The following SLC23A2 variants were observed in gnomAD, a reference collection of about 807,000 sequenced individuals.
The protein encoded by SLC23A2 is solute carrier family 23 member 2.
Under a neutral mutation model 73.3 loss-of-function variants are expected in SLC23A2, and 36 were observed. That is an observed-to-expected ratio of 0.49 (90% CI 0.38 to 0.65). The LOEUF (loss-of-function observed/expected upper bound fraction) is 0.65, where lower values mean the gene tolerates loss of function less well. Among genes scored for constraint, SLC23A2 ranks in the 30% least tolerant of loss-of-function variants. The pLI is 0.00. For synonymous variants in SLC23A2, 343 were observed against 327.3 expected (o/e 1.05, Z -0.52); for missense variants, 507 against 841.6 (o/e 0.60, Z 4.92).
chr20:4,985,526 C>G (rs955615056), intron 1 of SLC23A2, among the ~76,000 whole-genome samples: 4 of 151,768 alleles, frequency 2.6e-5, no homozygotes, highest in African/African-American at 9.7e-5. Flanking sequence ...CGGCTCACTG[C>G]AACCTCCACC....
At chr20:4,875,384 G>C (rs1293237153) in intron 9 of SLC23A2, among the ~76,000 whole-genome samples, 1 of 148,906 alleles carries the variant, frequency 6.7e-6, no homozygotes, top group Non-Finnish European at 1.5e-5. Context: ...CAACCTTACG[G>C]GGTGGCTTCT....
At chr20:4,988,918 G>A (rs1420678828) in intron 1 of SLC23A2, among the ~76,000 whole-genome samples, 1 of 151,546 alleles carries the variant, frequency 6.6e-6, no homozygotes, top group Non-Finnish European at 1.5e-5. Flanking sequence ...CAAGGAAAGG[G>A]AAAGGGAAAG....
At position 4,934,691 on chromosome 20, in the gene SLC23A2, G is replaced by A. The variant is rs574348223; in HGVS notation, c.-154-1975C>T. On this transcript the variant is annotated intron_variant, in intron 2 of 16. Coordinates refer to ENST00000338244, the MANE Select transcript of SLC23A2 (RefSeq NM_005116.6). Reference sequence around the variant, plus strand: ...AGCCTGGCCAGCACGGTGAAACCCCGTCTCTACTAAAAAATACAAAAATTA... The same window carrying A: ...AGCCTGGCCAGCACGGTGAAACCCCATCTCTACTAAAAAATACAAAAATTA... Among the ~76,000 whole-genome samples, 10 of 150,286 alleles carry A rather than the reference G, an allele frequency of 6.7e-5. No individual in the cohort carries two copies. The South Asian group carries it at 8.5e-4, about 13-fold the overall frequency.
chr20:4,935,936 G>A (rs1160217121), intron 2 of SLC23A2, among the ~76,000 whole-genome samples: 1 of 152,190 alleles, frequency 6.6e-6, no homozygotes, highest in Non-Finnish European at 1.5e-5. Context: ...CAACCACAGA[G>A]CCTCTTTTGT....
chr20:5,006,500 T>C (rs770366662), upstream of SLC23A2, among the ~76,000 whole-genome samples: 1 of 152,166 alleles, frequency 6.6e-6, no homozygotes, highest in Non-Finnish European at 1.5e-5. Flanking sequence ...TCAAAGTTAG[T>C]CTTTCCTATC....
rs1207388910 is a variant in SLC23A2, at chr20:4,854,271, A to G, written c.*2701T>C. The stretch of plus-strand genomic sequence containing the variant: ...CCGCGAGTGGCCACCGTGTCCCCCA[A>G]TATCTCCCCTTCAGGTGTGTGCTTA... On this transcript the variant is annotated 3_prime_UTR_variant, in exon 17 of 17. Coordinates refer to ENST00000338244, the MANE Select transcript of SLC23A2 (RefSeq NM_005116.6). 6.6e-6 allele frequency: 1 copy of G among 152,186 alleles called. No homozygotes were observed. Among genetic ancestry groups the G allele is most frequent in the Non-Finnish European group, 1.5e-5 (1 of 68,036 alleles). 9.4% of individuals were successfully genotyped at this position (152,186 alleles called of 1,614,324 possible). A position where few individuals can be genotyped will look rare whatever the true frequency, so the allele number is the denominator to read the frequency against.
chr20:4,886,993 C>T (rs957409407), intron 6 of SLC23A2, among the ~76,000 whole-genome samples: 2 of 152,204 alleles, frequency 1.3e-5, no homozygotes, highest in African/African-American at 2.4e-5. Flanking sequence ...AAGTCCAGAG[C>T]CCAGCACACA....
intron 1 of SLC23A2, among the ~76,000 whole-genome samples, chr20:4,975,680 CTGTT>C (rs2087633480): frequency 1.3e-5 from 2 of 150,398 alleles, no homozygotes; most frequent in Non-Finnish European, 3.0e-5. Context: ...CGTGCCCCGC[CTGTT>C]TTTTTTTTTT....
chr20:4,879,422 A>AAAAAAAAAAAAT lies in SLC23A2; in HGVS notation c.824+4208_824+4219dup. On this transcript the variant is annotated intron_variant, in intron 9 of 16. Transcript: ENST00000338244. Reference sequence around the variant, plus strand: ...AAACTCTGTCTCAAAAAAAAAAAAAAAAAAAAAAAAATCCTCCTATTCTCA... The same window carrying AAAAAAAAAAAAT: ...AAACTCTGTCTCAAAAAAAAAAAAAAAAAAAAAAAAATAAAAAAAAAAATCCTCCTATTCTCA... Among the ~76,000 whole-genome samples the AAAAAAAAAAAAT allele has an allele frequency of 1.3e-5, 2 of 151,134 alleles. 1 individual carries two copies. Among genetic ancestry groups the AAAAAAAAAAAAT allele is most frequent in the African/African-American group, 4.9e-5 (2 of 41,080 alleles).
At chr20:4,896,007 A>G (rs1209377964) in intron 6 of SLC23A2, among the ~76,000 whole-genome samples, 1 of 152,158 alleles carries the variant, frequency 6.6e-6, no homozygotes, top group African/African-American at 2.4e-5. Flanking sequence ...TGCGGCTGAC[A>G]AGGTAGCCTG....
At chr20:4,997,081 C>A (rs1357540455) in intron 1 of SLC23A2, among the ~76,000 whole-genome samples, 1 of 152,120 alleles carries the variant, frequency 6.6e-6, no homozygotes, top group African/African-American at 2.4e-5. Flanking sequence ...CTTTCTGGTT[C>A]ATCAGCAAAT....
At position 4,868,168 on chromosome 20, in the gene SLC23A2, C is replaced by G. The variant is rs1323687444; in HGVS notation, c.1251-293G>C. 6.6e-6 allele frequency among the ~76,000 whole-genome samples: 1 copy of G among 151,200 alleles called. No homozygotes were observed. The highest frequency in any genetic ancestry group is 1.5e-5 in the Non-Finnish European group (1 of 67,926). On this transcript the variant is annotated intron_variant, in intron 12 of 16. Transcript: ENST00000338244. This position sits in a 1 kb window ranked among gnomAD's most constrained non-coding sequence, Gnocchi z 4.4. ...GATCTTGGCTCACTGCAACCTCCAC[C>G]TCCTGGGTTCAAGAGATTCTCCTGC...
At chr20:5,000,837 C>T (rs896995260) in intron 1 of SLC23A2, among the ~76,000 whole-genome samples, 4 of 152,220 alleles carry the variant, frequency 2.6e-5, no homozygotes, top group African/African-American at 9.6e-5. Context: ...CCAGAAAGGC[C>T]CCGGGGTCGG....
At chr20:4,914,012 T>C (rs536259312) in intron 3 of SLC23A2, among the ~76,000 whole-genome samples, 114 of 151,988 alleles carry the variant, frequency 7.5e-4, no homozygotes, top group African/African-American at 2.5e-3. Context: ...AAAATGCACA[T>C]GTAATAAATA....
At chr20:4,986,339 C>G (rs1054361551) in intron 1 of SLC23A2, among the ~76,000 whole-genome samples, 22 of 151,886 alleles carry the variant, frequency 1.4e-4, no homozygotes, top group African/African-American at 5.1e-4. Context: ...GGTATGAAAC[C>G]TTTTTATTTT....
At chr20:5,008,407 C>T (rs949405198) in intron 1 of SLC23A2, among the ~76,000 whole-genome samples, 2 of 152,268 alleles carry the variant, frequency 1.3e-5, no homozygotes, top group African/African-American at 4.8e-5. Flanking sequence ...CTGGTGGGCA[C>T]GGATCTATGC....
intron 13 of SLC23A2, among the ~76,000 whole-genome samples, chr20:4,864,045 G>A (rs1404150639): frequency 6.6e-6 from 1 of 152,174 alleles, no homozygotes; most frequent in Non-Finnish European, 1.5e-5. Context: ...GTGAGAGGTG[G>A]TGCTGGCATC....
At chr20:4,939,663 G>C (rs2087011620) in intron 2 of SLC23A2, among the ~76,000 whole-genome samples, 1 of 152,192 alleles carries the variant, frequency 6.6e-6, no homozygotes, top group African/African-American at 2.4e-5. Context: ...GTGAACAACA[G>C]CAAAGAAGAA....
In SLC23A2 at chr20:4,870,048, A is replaced by G; in HGVS notation, c.1108T>C (p.Trp370Arg). The G allele has an allele frequency of 1.3e-6, 2 of 1,599,768 alleles. No individual in the cohort carries two copies. Among genetic ancestry groups the G allele is most frequent in the Non-Finnish European group, 1.7e-6 (2 of 1,172,840 alleles). Residue 370 changes from tryptophan to arginine, a missense_variant, in exon 12 of 17, where the codon TGG (tryptophan) becomes CGG (arginine). By Grantham distance (101) the Trp-to-Arg change is moderately radical. Coordinates refer to ENST00000338244, the MANE Select transcript of SLC23A2 (RefSeq NM_005116.6). ...GCCGCAGACACGGTGGGCAGTCCCC[A>G]CTGAACTGTGGGAGGAAAACAACCA... ...PWFKVPYPFQWGLPTVSAAGV... is the reference protein window; with the variant it reads ...PWFKVPYPFQRGLPTVSAAGV...
Sources: gnomAD v4.1 joint callset for allele counts (sites outside exome capture counted in the v4.1 genomes callset) on GRCh38, gnomAD v4.1.1 for gene constraint, Gnocchi (gnomAD v3.1) non-coding constraint, MANE v1.5 for transcripts, NCBI Gene and HGNC (gene_info 2026-07-23, HGNC 2026-07-21) for gene names.